The following SPOCK3 variants were observed in gnomAD, a reference collection of about 807,000 sequenced individuals.
SPOCK3 encodes the protein testican-3.
Under a neutral mutation model 56.6 loss-of-function variants are expected in SPOCK3, and 30 were observed. The observed-to-expected ratio is 0.53, with a 90% CI of 0.40 to 0.72. The LOEUF is 0.72. SPOCK3 is among the 30% of genes least tolerant of loss of function. The pLI, the probability that SPOCK3 is intolerant of heterozygous loss-of-function variation, is 0.00. For missense variants in SPOCK3, 527 were observed against 530.0 expected (o/e 0.99, Z 0.06); for synonymous variants, 196 against 183.3 (o/e 1.07, Z -0.56).
At chr4:167,195,916 T>C (rs796549111) in intron 2 of SPOCK3, among the ~76,000 whole-genome samples, 3 of 152,282 alleles carry the variant, frequency 2.0e-5, no homozygotes, top group African/African-American at 7.2e-5. Flanking sequence ...AAGTTACTAT[T>C]GCTGGGGGAA....
At chr4:166,868,088 T>C (rs1732045499) in intron 6 of SPOCK3, among the ~76,000 whole-genome samples, 1 of 151,936 alleles carries the variant, frequency 6.6e-6, no homozygotes, top group African/African-American at 2.4e-5. Flanking sequence ...CAAACCACTA[T>C]ATAATTTTGA....
At chr4:167,184,022 G>A (rs1449495041) in intron 2 of SPOCK3, among the ~76,000 whole-genome samples, 1 of 152,162 alleles carries the variant, frequency 6.6e-6, no homozygotes, top group Non-Finnish European at 1.5e-5. Context: ...AATCAAAATG[G>A]TTGTGAAGGT....
At chr4:167,202,329 C>T (rs1040097775) in intron 2 of SPOCK3, among the ~76,000 whole-genome samples, 6 of 151,822 alleles carry the variant, frequency 4.0e-5, no homozygotes, top group African/African-American at 1.2e-4. Flanking sequence ...GTAGTATATA[C>T]AGAATCACTT....
chr4:166,839,564 C>A (rs1272285162), intron 6 of SPOCK3, among the ~76,000 whole-genome samples: 2 of 152,090 alleles, frequency 1.3e-5, no homozygotes, highest in East Asian at 1.9e-4. Context: ...TAACTCCACA[C>A]TAATGGATGA....
intron 2 of SPOCK3, among the ~76,000 whole-genome samples, chr4:167,226,569 G>A (rs917035668): frequency 6.6e-6 from 1 of 152,108 alleles, no homozygotes; most frequent in Non-Finnish European, 1.5e-5. Context: ...CGAGTATTGA[G>A]TATCGCTTGC....
At chr4:166,879,243 C>T (rs1733439874) in intron 6 of SPOCK3, among the ~76,000 whole-genome samples, 3 of 152,160 alleles carry the variant, frequency 2.0e-5, no homozygotes, top group African/African-American at 7.2e-5. Flanking sequence ...AGAGTTATAG[C>T]CAGGCATGAT....
At chr4:167,186,576 G>A (rs1055643284) in intron 2 of SPOCK3, among the ~76,000 whole-genome samples, 4 of 151,998 alleles carry the variant, frequency 2.6e-5, no homozygotes, top group African/African-American at 4.8e-5. Flanking sequence ...GCAGTGAGCC[G>A]AGATCATGCC....
intron 2 of SPOCK3, among the ~76,000 whole-genome samples, chr4:167,214,708 C>T (rs1368277571): frequency 6.6e-6 from 1 of 152,020 alleles, no homozygotes; most frequent in Non-Finnish European, 1.5e-5. Context: ...TAGAATGAAT[C>T]ATTTGAGTCT....
At chr4:167,053,439 C>A (rs1440871673) in intron 3 of SPOCK3, among the ~76,000 whole-genome samples, 1 of 152,092 alleles carries the variant, frequency 6.6e-6, no homozygotes, top group Non-Finnish European at 1.5e-5. Context: ...GTAATCCCAG[C>A]ACTTTGGGAG....
intron 3 of SPOCK3, among the ~76,000 whole-genome samples, chr4:167,021,710 T>C (rs1193594918): frequency 1.3e-4 from 20 of 151,696 alleles, no homozygotes; most frequent in Non-Finnish European, 8.8e-5. Context: ...ACGACCCATA[T>C]CTATACAAAA....
intron 2 of SPOCK3, among the ~76,000 whole-genome samples, chr4:167,182,816 G>A (rs1348185312): frequency 3.9e-5 from 6 of 152,262 alleles, no homozygotes; most frequent in East Asian, 3.9e-4. Flanking sequence ...GATTACAGGC[G>A]TGAGCCACTG....
chr4:167,073,381 G>A (rs1028405652), intron 2 of SPOCK3, among the ~76,000 whole-genome samples: 6 of 151,450 alleles, frequency 4.0e-5, no homozygotes, highest in Admixed American at 1.3e-4. Context: ...AATAAATAAC[G>A]GTCATCATAA....
At chr4:167,145,155 A>C (rs761835506) in intron 2 of SPOCK3, among the ~76,000 whole-genome samples, 4 of 152,058 alleles carry the variant, frequency 2.6e-5, no homozygotes, top group Non-Finnish European at 5.9e-5. Context: ...GATAGATTGA[A>C]TATGCACCAT....
chr4:166,852,648 C>G (rs759701508), intron 6 of SPOCK3, among the ~76,000 whole-genome samples: 4 of 152,192 alleles, frequency 2.6e-5, no homozygotes, highest in Non-Finnish European at 5.9e-5. Flanking sequence ...GTGTTTGTTT[C>G]TAGCTTCTGA....
intron 3 of SPOCK3, among the ~76,000 whole-genome samples, chr4:167,010,477 G>T (rs1340546107): frequency 1.5e-5 from 2 of 133,794 alleles, no homozygotes; most frequent in African/African-American, 5.6e-5. Flanking sequence ...CCAAGGTCAC[G>T]CCACTGCACT....
chr4:167,159,434 G>A (rs1765091849), intron 2 of SPOCK3, among the ~76,000 whole-genome samples: 1 of 151,812 alleles, frequency 6.6e-6, no homozygotes, highest in Non-Finnish European at 1.5e-5. Context: ...ATAACCGGAG[G>A]AAAGGAACAT....
intron 2 of SPOCK3, among the ~76,000 whole-genome samples, chr4:167,210,597 G>T (rs1734774385): frequency 6.6e-6 from 1 of 151,996 alleles, no homozygotes; most frequent in South Asian, 2.1e-4. Context: ...TGTGTATTTA[G>T]CAAAGAAGGA....
intron 4 of SPOCK3, among the ~76,000 whole-genome samples, chr4:166,950,522 T>A (rs1193835615): frequency 2.0e-5 from 3 of 151,954 alleles, no homozygotes; most frequent in Admixed American, 6.6e-5. Context: ...ATTAGACAGA[T>A]CAATGAGACA....
intron 6 of SPOCK3, among the ~76,000 whole-genome samples, chr4:166,871,629 A>T (rs201667175): frequency 6.3e-4 from 2 of 3,164 alleles, no homozygotes; most frequent in African/African-American, 6.2e-3. Flanking sequence ...GAACATTTAG[A>T]AAAAAACAAT....
Sources: gnomAD v4.1 joint callset for allele counts (sites outside exome capture counted in the v4.1 genomes callset) on GRCh38, gnomAD v4.1.1 for gene constraint, MANE v1.5 for transcripts, NCBI Gene and HGNC (gene_info 2026-07-23, HGNC 2026-07-21) for gene names.